Variants in UTRN observed in about 807,000 individuals in gnomAD.
UTRN encodes the protein utrophin.
In UTRN, 283 loss-of-function variants were observed where a neutral mutation model predicts 463.9. The observed-to-expected ratio is 0.61, with a 90% CI of 0.55 to 0.67. The LOEUF is 0.67. Ranked by LOEUF, UTRN falls within the 30% of genes least tolerant of loss-of-function variation. UTRN has a pLI of 0.00. For missense variants in UTRN, 3,922 were observed against 4,084.3 expected, an observed-to-expected ratio of 0.96 and a Z score of 1.08; for synonymous variants, 1,442 against 1,431.5, an observed-to-expected ratio of 1.01 and a Z score of -0.17.
intron 14 of UTRN, 84 bp downstream of exon 14, chr6:144,444,466 T>C: frequency 1.0e-6 from 1 of 1,000,242 alleles, no homozygotes; most frequent in South Asian, 1.9e-5. Context: ...AAAGTTGCCT[T>C]GTTTACTTTT....
intron 44 of UTRN, among the ~76,000 whole-genome samples, 167 bp from the exon 45 acceptor site, chr6:144,539,127 T>G (rs1797786496): frequency 6.6e-6 from 1 of 152,246 alleles, no homozygotes; most frequent in Admixed American, 6.5e-5. Flanking sequence ...ACTCCCTTCC[T>G]AGTTATCATT....
chr6:144,433,382 C>A (rs1439603274), intron 9 of UTRN, among the ~76,000 whole-genome samples: 4 of 146,058 alleles, frequency 2.7e-5, no homozygotes, highest in African/African-American at 7.6e-5. Flanking sequence ...ACCTCCCTCC[C>A]GGACGGGGTG....
intron 51 of UTRN, among the ~76,000 whole-genome samples, chr6:144,642,389 T>G (rs904099011): frequency 6.6e-6 from 1 of 152,216 alleles, no homozygotes; most frequent in Non-Finnish European, 1.5e-5. Context: ...ATCTTCTTTT[T>G]TTGTGTTTGC....
intron 39 of UTRN, among the ~76,000 whole-genome samples, chr6:144,520,753 C>G (rs376924552): frequency 1.3e-5 from 2 of 152,166 alleles, no homozygotes; most frequent in Non-Finnish European, 1.5e-5. Context: ...AATTAACATG[C>G]ATTTGTGATC....
intron 51 of UTRN, among the ~76,000 whole-genome samples, chr6:144,653,320 T>C (rs1779011923): frequency 6.6e-6 from 1 of 152,312 alleles, no homozygotes; most frequent in South Asian, 2.1e-4. Context: ...GCACGGTGGC[T>C]CACGCCTGTA....
At position 144,748,594 on chromosome 6, in the gene UTRN, T is replaced by A. The variant is rs1471014462; in HGVS notation, c.8208+80T>A. 2.6e-6 allele frequency: 4 copies of A among 1,513,814 alleles called. No individual in the cohort carries two copies. In the African/African-American group the frequency reaches 5.6e-5, roughly 21 times the overall value. 93.8% of individuals were successfully genotyped at this position (1,513,814 alleles called of 1,614,324 possible). A position where few individuals can be genotyped will look rare whatever the true frequency, so the allele number is the denominator to read the frequency against. On this transcript the variant is annotated intron_variant, in intron 55 of 74. Coordinates refer to ENST00000367545, the MANE Select transcript of UTRN (RefSeq NM_007124.3). The stretch of plus-strand genomic sequence containing the variant: ...ACACAAATAAAGAGAGCCACGTATA[T>A]AAATTGTTATAAGGGATTGTTACAA...
chr6:144,735,932 G>T (rs1789341326), intron 54 of UTRN, among the ~76,000 whole-genome samples: 2 of 151,734 alleles, frequency 1.3e-5, no homozygotes, highest in Non-Finnish European at 2.9e-5. Context: ...AAAAATACTG[G>T]TTTTTGAGTT....
At chr6:144,533,936 G>A (rs959754896) in intron 43 of UTRN, among the ~76,000 whole-genome samples, 8 of 151,814 alleles carry the variant, frequency 5.3e-5, no homozygotes, top group African/African-American at 7.3e-5. Context: ...CATATATTCC[G>A]TCATTAATGA....
chr6:144,385,006 G>A (rs1781286105), intron 2 of UTRN, among the ~76,000 whole-genome samples: 1 of 152,108 alleles, frequency 6.6e-6, no homozygotes, highest in African/African-American at 2.4e-5. Flanking sequence ...TGAGGGAAAT[G>A]CTAAAGTTTT....
intron 53 of UTRN, among the ~76,000 whole-genome samples, chr6:144,714,690 G>A (rs1363167051): frequency 6.6e-6 from 1 of 152,164 alleles, no homozygotes; most frequent in Non-Finnish European, 1.5e-5. Context: ...AATATTGAAT[G>A]CCTCTTAAAA....
chr6:144,648,889 T>C (rs553092906), intron 51 of UTRN, among the ~76,000 whole-genome samples: 1 of 152,338 alleles, frequency 6.6e-6, no homozygotes, highest in South Asian at 2.1e-4. Context: ...TGGTTTTATG[T>C]TTAGGATTCT....
At chr6:144,622,184 G>GTTGTTTTTT (rs1371864579) in intron 51 of UTRN, among the ~76,000 whole-genome samples, 6 of 88,198 alleles carry the variant, frequency 6.8e-5, no homozygotes, top group East Asian at 4.3e-4. Context: ...TTTTTTTGTT[G>GTTGTTTTTT]TTTTTTTTTT....
chr6:144,805,109 A>G (rs1438179053), intron 65 of UTRN, among the ~76,000 whole-genome samples: 1 of 152,154 alleles, frequency 6.6e-6, no homozygotes, highest in Non-Finnish European at 1.5e-5. Flanking sequence ...GAAAATTTGC[A>G]GCTTTTATAG....
At chr6:144,296,688 C>T (rs907369316) in intron 2 of UTRN, among the ~76,000 whole-genome samples, 7 of 152,208 alleles carry the variant, frequency 4.6e-5, no homozygotes, top group East Asian at 1.9e-4. Context: ...CATTGCTGCT[C>T]GGTGACTCTT....
intron 2 of UTRN, among the ~76,000 whole-genome samples, chr6:144,347,136 C>A (rs1777655933): frequency 6.6e-6 from 1 of 152,012 alleles, no homozygotes; most frequent in Non-Finnish European, 1.5e-5. Context: ...GCTCGTTTTG[C>A]CATCCTTCCT....
At chr6:144,814,691 A>G (rs1778924951) in intron 65 of UTRN, among the ~76,000 whole-genome samples, 1 of 152,200 alleles carries the variant, frequency 6.6e-6, no homozygotes, top group Non-Finnish European at 1.5e-5. Context: ...AAAATGGAAA[A>G]GTAAATCTAT....
intron 39 of UTRN, among the ~76,000 whole-genome samples, chr6:144,521,463 A>G (rs1796086324): frequency 6.6e-6 from 1 of 152,174 alleles, no homozygotes; most frequent in Non-Finnish European, 1.5e-5. Context: ...AGAGATTAAG[A>G]TTACATACTG....
rs185999521 is a variant in UTRN at position 144,475,135 on chromosome 6, A to G, written c.3336+376A>G. Reference sequence around the variant, plus strand: ...TACAGCATTGAACAAGGAAGAAGAAACTCCTCTTAAGGAGCTTACATTCTA... The same window carrying G: ...TACAGCATTGAACAAGGAAGAAGAAGCTCCTCTTAAGGAGCTTACATTCTA... On this transcript the variant is annotated intron_variant, in intron 25 of 74. Coordinates refer to ENST00000367545, the MANE Select transcript of UTRN (RefSeq NM_007124.3). Among the ~76,000 whole-genome samples, 13 of 152,286 alleles carry G rather than the reference A, an allele frequency of 8.5e-5. No individual in the cohort carries two copies. In the East Asian group the frequency reaches 2.5e-3, roughly 29 times the overall value.
At chr6:144,841,426 A>C (rs923605072) in intron 73 of UTRN, among the ~76,000 whole-genome samples, 5 of 152,242 alleles carry the variant, frequency 3.3e-5, no homozygotes, top group Admixed American at 3.3e-4. Flanking sequence ...ACCAAGAGCC[A>C]GAAAATAACC....
Sources: gnomAD v4.1 joint callset for allele counts (sites outside exome capture counted in the v4.1 genomes callset) on GRCh38, gnomAD v4.1.1 for gene constraint, MANE v1.5 for transcripts, NCBI Gene and HGNC (gene_info 2026-07-23, HGNC 2026-07-21) for gene names.